The following MLXIP variants were observed in gnomAD, a reference collection of about 807,000 sequenced individuals.
MLXIP encodes the protein MLX-interacting protein.
A neutral mutation model predicts 87.2 loss-of-function variants in MLXIP; 30 were observed. That is an observed-to-expected ratio of 0.34 (90% confidence interval 0.26 to 0.47). The LOEUF (loss-of-function observed/expected upper bound fraction) is 0.47. MLXIP is among the 20% of genes least tolerant of loss of function. The probability of loss-of-function intolerance (pLI) is 1.00; values close to 1 mark genes in which losing one functional copy is unlikely to be tolerated. For synonymous variants in MLXIP, 530 were observed against 514.0 expected (o/e 1.03, Z -0.42); for missense variants, 1,002 against 1,240.1 (o/e 0.81, Z 2.88).
chr12:122,090,358 G>A (rs1385248439), intron 1 of MLXIP, among the ~76,000 whole-genome samples: 2 of 152,070 alleles, frequency 1.3e-5, no homozygotes, highest in Admixed American at 6.6e-5. Flanking sequence ...ATTAGCTGGT[G>A]TGGTGGCACA....
Position 122,086,610 on chromosome 12 carries a change from A to G in MLXIP, c.413+7344A>G, listed in dbSNP as rs1593058204. Among the ~76,000 whole-genome samples the G allele has an allele frequency of 2.0e-5, 3 of 152,180 alleles. No homozygotes were observed. In the East Asian group the frequency reaches 5.8e-4, roughly 29 times the overall value. ...CAGATAGCCAGTGTCTTAGGTGATT[A>G]CTTTCTGTATTTTGTTGGAGTTCTG... On this transcript the variant is annotated intron_variant, in intron 1 of 16. Transcript: ENST00000319080.
chr12:122,086,239 C>T (rs1952166555), intron 1 of MLXIP, among the ~76,000 whole-genome samples: 1 of 152,152 alleles, frequency 6.6e-6, no homozygotes. Context: ...ATCATAAAGT[C>T]TGTTGTTCTA....
rs1462638501 is a variant in MLXIP, at chr12:122,137,545, C to G, written c.2109C>G (p.Asn703Lys). The change falls in exon 12 of 17, where the codon AAC becomes AAG. Residue 703 changes from asparagine to lysine, a missense_variant. Asn to Lys is a moderately conservative substitution (Grantham distance 94, BLOSUM62 0). Transcript: ENST00000319080. This position sits in a 1 kb window ranked among gnomAD's most constrained non-coding sequence, Gnocchi z 4.1. ...GCCCCAGTCCTCAATCTCCCCAGAACAACTGCTCAGGGAAATCCGACCCCA... is the reference window on the plus strand; with the variant it reads ...GCCCCAGTCCTCAATCTCCCCAGAAGAACTGCTCAGGGAAATCCGACCCCA... ...EQSPSPQSPQ[N>K]NCSGKSDPKN... 6.2e-7 allele frequency: 1 copy of G among 1,613,924 alleles called. No homozygotes were observed. The highest frequency in any genetic ancestry group is 8.5e-7 in the Non-Finnish European group (1 of 1,179,900).
intron 1 of MLXIP, among the ~76,000 whole-genome samples, chr12:122,097,627 A>G (rs912051236): frequency 2.0e-5 from 3 of 149,888 alleles, no homozygotes; most frequent in Non-Finnish European, 4.4e-5. Context: ...AAAAAAAAAA[A>G]GTAATTAATT....
intron 9 of MLXIP, chr12:122,134,314 C>T (rs1400038807): frequency 2.8e-6 from 1 of 355,172 alleles, no homozygotes; most frequent in Non-Finnish European, 5.1e-6. Flanking sequence ...CCTTCGTCAG[C>T]CTCCCGAGTA....
Position 122,141,965 on chromosome 12 carries a change from G to A in MLXIP, c.*153G>A. The A allele has an allele frequency of 1.4e-5, 17 of 1,220,424 alleles. No homozygotes were observed. Among genetic ancestry groups the A allele is most frequent in the Non-Finnish European group, 1.9e-5 (17 of 885,322 alleles). The allele number at this position is 1,220,424 out of a possible 1,614,324, so 75.6% of individuals were successfully genotyped here. A position where few individuals can be genotyped will look rare whatever the true frequency, so the allele number is the denominator to read the frequency against. ...CGTGGCATCGGGAGGCCATGCTCAG[G>A]TCTGAAGCAGGTTTGGGGCCTGCTG... is the stretch of plus-strand genomic sequence containing the variant. On this transcript the variant is annotated 3_prime_UTR_variant, in exon 17 of 17. Coordinates refer to ENST00000319080, the MANE Select transcript of MLXIP (RefSeq NM_014938.6).
intron 16 of MLXIP, 123 bp downstream of exon 16, chr12:122,141,206 A>G: frequency 1.4e-6 from 2 of 1,388,086 alleles, no homozygotes; most frequent in Non-Finnish European, 1.9e-6. Flanking sequence ...GGGCAGGGGC[A>G]CAGTGCTGTC....
At chr12:122,079,834 G>T (rs1049427905) in intron 1 of MLXIP, among the ~76,000 whole-genome samples, 1 of 152,234 alleles carries the variant, frequency 6.6e-6, no homozygotes, top group Admixed American at 6.5e-5. Flanking sequence ...CCTGCACCTG[G>T]AGGCTGGCCC....
At chr12:122,114,322 G>T (rs1019592888) in intron 1 of MLXIP, among the ~76,000 whole-genome samples, 12 of 152,164 alleles carry the variant, frequency 7.9e-5, no homozygotes, top group Admixed American at 6.6e-5. Context: ...GCAAGTTGGG[G>T]AGTTCCCAAA....
intron 1 of MLXIP, among the ~76,000 whole-genome samples, chr12:122,098,253 GC>G (rs1162472971): frequency 6.6e-6 from 1 of 152,130 alleles, no homozygotes; most frequent in Non-Finnish European, 1.5e-5. Flanking sequence ...TTCTTCCGGT[GC>G]CCCCCACTTC....
rs1392208807 is a variant in MLXIP, at chr12:122,135,111, C to G, written c.1733-113C>G. 3.6e-6 allele frequency: 5 copies of G among 1,371,832 alleles called. No individual in the cohort carries two copies. The highest frequency in any genetic ancestry group is 5.1e-6 in the Non-Finnish European group (5 of 988,094). 85.0% of individuals were successfully genotyped at this position (1,371,832 alleles called of 1,614,324 possible). On this transcript the variant is annotated intron_variant, in intron 9 of 16. Transcript: ENST00000319080. The surrounding 1 kb of genome is among the most constrained non-coding windows in gnomAD (Gnocchi z 5.3). Reference sequence around the variant, plus strand: ...TAGGTGCCTTGGTGGCTTTGTCTTCCTGTCCCCTGGGGTTGAGAACAAGCT... The same window carrying G: ...TAGGTGCCTTGGTGGCTTTGTCTTCGTGTCCCCTGGGGTTGAGAACAAGCT...
Position 122,130,959 on chromosome 12 carries a change from C to T in MLXIP, c.1000+26C>T, listed in dbSNP as rs376004273. ...GTGAGGACCAGAGGCAGAGAGAGCACGGTTGCCTCCATCTCCCCCAGCCCA... is the reference window on the plus strand; with the variant it reads ...GTGAGGACCAGAGGCAGAGAGAGCATGGTTGCCTCCATCTCCCCCAGCCCA... On this transcript the variant is annotated intron_variant, in intron 7 of 16. Coordinates refer to ENST00000319080, the MANE Select transcript of MLXIP (RefSeq NM_014938.6). The T allele has an allele frequency of 1.4e-5, 21 of 1,497,936 alleles. No individual in the cohort carries two copies. In the African/African-American group the frequency reaches 1.9e-4, roughly 14 times the overall value. 92.8% of individuals were successfully genotyped at this position (1,497,936 alleles called of 1,614,324 possible).
In MLXIP at chr12:122,133,869, T is replaced by G. The variant is rs1327081614; in HGVS notation, c.1614T>G (p.Phe538Leu). 1.2e-6 allele frequency: 2 copies of G among 1,612,742 alleles called. No individual in the cohort carries two copies. The highest frequency in any genetic ancestry group is 8.5e-7 in the Non-Finnish European group (1 of 1,179,488). ...GGCCTCCCCAGCCACGGTTAACTTT[T>G]GTGCACCCCAAACCTGTATCCTTGA... ...VTRPPQPRLT[F>L]VHPKPVSLTG... Residue 538 changes from phenylalanine to leucine, a missense_variant, in exon 9 of 17, where the codon TTT becomes TTG. Around this residue, in one of 3 missense-constraint regions of MLXIP, gnomAD observed 746 missense variants for 897.0 expected, o/e 0.83. Transcript: ENST00000319080. This position sits in a 1 kb window ranked among gnomAD's most constrained non-coding sequence, Gnocchi z 4.9.
intron 1 of MLXIP, among the ~76,000 whole-genome samples, chr12:122,098,084 G>C (rs951496944): frequency 1.3e-5 from 2 of 152,206 alleles, no homozygotes; most frequent in African/African-American, 4.8e-5. Flanking sequence ...GCTGCGCTGC[G>C]CCTGATAAGT....
At chr12:122,132,453 G>T in intron 8 of MLXIP, 70 bp downstream of exon 8, 2 of 1,272,786 alleles carry the variant, frequency 1.6e-6, no homozygotes, top group Admixed American at 3.9e-5. Context: ...AAGGTTTGCT[G>T]CCAGAGCAAG....
intron 1 of MLXIP, among the ~76,000 whole-genome samples, chr12:122,106,408 C>T (rs1395841250): frequency 6.6e-6 from 1 of 152,098 alleles, no homozygotes; most frequent in African/African-American, 2.4e-5. Flanking sequence ...TGCATTAGCT[C>T]GTGAGGTCCT....
chr12:122,105,206 C>T (rs1952501174), intron 1 of MLXIP, among the ~76,000 whole-genome samples: 2 of 152,188 alleles, frequency 1.3e-5, no homozygotes, highest in South Asian at 4.1e-4. Context: ...TTTATCTCTG[C>T]AGTTAGTCAC....
intron 1 of MLXIP, among the ~76,000 whole-genome samples, chr12:122,106,322 C>A (rs1453898648): frequency 6.6e-6 from 1 of 152,218 alleles, no homozygotes. Flanking sequence ...GAAAACACCA[C>A]TGGGTGCCCC....
intron 1 of MLXIP, among the ~76,000 whole-genome samples, chr12:122,090,632 C>T (rs1952233172): frequency 6.6e-6 from 1 of 152,142 alleles, no homozygotes; most frequent in Non-Finnish European, 1.5e-5. Context: ...TCAACTTTCC[C>T]TGTATGTTTG....
Sources: allele counts gnomAD v4.1 joint callset (sites outside exome capture counted in the v4.1 genomes callset), GRCh38; gene constraint gnomAD v4.1.1; regional missense constraint gnomAD v4.1.1; non-coding constraint Gnocchi (gnomAD v3.1); transcripts MANE v1.5; gene names NCBI Gene and HGNC (gene_info 2026-07-23, HGNC 2026-07-21).